The following ASTN2 variants were observed in gnomAD, a reference collection of about 807,000 sequenced individuals.
The protein encoded by ASTN2 is astrotactin-2.
ASTN2 carries 54 observed loss-of-function variants against 139.8 expected under a neutral mutation model. The ratio of observed to expected loss-of-function variants is 0.39; its 90% CI spans 0.31 to 0.48. ASTN2 has a LOEUF of 0.48. ASTN2 is among the 20% of genes least tolerant of loss of function. The pLI is 0.95. For synonymous variants in ASTN2, 756 were observed against 719.5 expected (o/e 1.05, Z -0.81); for missense variants, 1,565 against 1,725.1 (o/e 0.91, Z 1.64).
chr9:117,298,491 C>T lies in ASTN2; in HGVS notation c.443-6978G>A, dbSNP rs183015579. 2.1e-3 allele frequency among the ~76,000 whole-genome samples: 320 copies of T among 152,168 alleles called. 1 individual carries two copies. The highest frequency in any genetic ancestry group is 7.3e-3 in the African/African-American group (304 of 41,520). ...CCCATCTACCAAATGAGGATAATAA[C>T]AGCACCTGCCTCACAGGGTCGTTTT... On this transcript the variant is annotated intron_variant, in intron 1 of 22. Coordinates refer to ENST00000313400, the MANE Select transcript of ASTN2 (RefSeq NM_001365068.1).
At chr9:117,266,969 A>G (rs1334214801) in intron 2 of ASTN2, among the ~76,000 whole-genome samples, 1 of 152,168 alleles carries the variant, frequency 6.6e-6, no homozygotes, top group Non-Finnish European at 1.5e-5. Flanking sequence ...TTTCTAAATA[A>G]TAGAGTGTGG....
At chr9:117,281,737 C>A (rs983905365) in intron 2 of ASTN2, among the ~76,000 whole-genome samples, 2 of 152,142 alleles carry the variant, frequency 1.3e-5, no homozygotes, top group Non-Finnish European at 2.9e-5. Flanking sequence ...TACTTCCCTG[C>A]AGTCTCTGGA....
chr9:116,498,573 G>A (rs941175201), intron 19 of ASTN2, among the ~76,000 whole-genome samples: 4 of 151,744 alleles, frequency 2.6e-5, no homozygotes, highest in Non-Finnish European at 4.4e-5. Context: ...ACTCCAGCCT[G>A]GGCAATAGAG....
chr9:116,442,703 C>A (rs1262974273), intron 20 of ASTN2, 150 bp from the exon 21 acceptor site: 1 of 673,050 alleles, frequency 1.5e-6, no homozygotes. Context: ...TTATTGAGCA[C>A]TAACTGCCTA....
At chr9:117,235,169 G>T (rs1369731065) in intron 2 of ASTN2, among the ~76,000 whole-genome samples, 1 of 151,512 alleles carries the variant, frequency 6.6e-6, no homozygotes, top group Non-Finnish European at 1.5e-5. Flanking sequence ...AGGAGGCGGA[G>T]GTTACAGTAA....
At chr9:117,326,289 G>T (rs1055030557) in intron 1 of ASTN2, among the ~76,000 whole-genome samples, 1 of 152,114 alleles carries the variant, frequency 6.6e-6, no homozygotes, top group African/African-American at 2.4e-5. Context: ...TATAGACATG[G>T]AAATGAAATA....
intron 1 of ASTN2, among the ~76,000 whole-genome samples, chr9:117,325,803 T>C (rs1397725954): frequency 1.3e-5 from 2 of 152,134 alleles, no homozygotes; most frequent in Non-Finnish European, 2.9e-5. Context: ...AAGAAGAAAG[T>C]GGAAATATGC....
At chr9:116,965,093 G>A (rs978443573) in intron 10 of ASTN2, among the ~76,000 whole-genome samples, 5 of 152,166 alleles carry the variant, frequency 3.3e-5, no homozygotes, top group African/African-American at 7.2e-5. Context: ...ACTGAAGGTG[G>A]GCAAATGAGT....
chr9:117,179,318 T>C (rs1830997369), intron 3 of ASTN2, among the ~76,000 whole-genome samples: 1 of 152,208 alleles, frequency 6.6e-6, no homozygotes, highest in African/African-American at 2.4e-5. Context: ...TTTTCACATA[T>C]ATATGCTTAT....
At chr9:117,131,559 TGA>T (rs1252544724) in intron 4 of ASTN2, among the ~76,000 whole-genome samples, 1 of 152,236 alleles carries the variant, frequency 6.6e-6, no homozygotes, top group African/African-American at 2.4e-5. Context: ...AGAAATTAAA[TGA>T]GAGTCTGGTA....
chr9:117,009,776 T>C (rs762924846), intron 6 of ASTN2, among the ~76,000 whole-genome samples: 3 of 152,094 alleles, frequency 2.0e-5, no homozygotes, highest in Non-Finnish European at 4.4e-5. Context: ...TCTATGGAGG[T>C]CTATCTGTCA....
chr9:117,119,783 A>G lies in ASTN2; in HGVS notation c.1168+21543T>C, dbSNP rs115462827. Reference sequence around the variant, plus strand: ...GACTGACAAAAATGAGGGCATCCCAATGTGACACAATGTGACACGCATGTT... The same window carrying G: ...GACTGACAAAAATGAGGGCATCCCAGTGTGACACAATGTGACACGCATGTT... On this transcript the variant is annotated intron_variant, in intron 4 of 22. Transcript: ENST00000313400. 4.1e-3 allele frequency among the ~76,000 whole-genome samples: 627 copies of G among 151,968 alleles called. 3 individuals carry two copies. The highest frequency in any genetic ancestry group is 0.014 in the African/African-American group (574 of 41,426).
At chr9:116,710,417 A>C (rs1828117327) in intron 16 of ASTN2, among the ~76,000 whole-genome samples, 1 of 152,034 alleles carries the variant, frequency 6.6e-6, no homozygotes, top group South Asian at 2.1e-4. Context: ...ATATTGAAAG[A>C]AATTTCATAT....
chr9:117,018,811 AT>A (rs1003075830), intron 6 of ASTN2, among the ~76,000 whole-genome samples: 12 of 151,734 alleles, frequency 7.9e-5, no homozygotes, highest in African/African-American at 2.7e-4. Flanking sequence ...GGAAAATGGG[AT>A]TTTTTTTTAC....
intron 4 of ASTN2, among the ~76,000 whole-genome samples, chr9:117,097,021 G>C (rs1304591781): frequency 6.6e-6 from 1 of 152,176 alleles, no homozygotes; most frequent in African/African-American, 2.4e-5. Context: ...TCTGGAGCAA[G>C]AGTATGAATT....
intron 19 of ASTN2, among the ~76,000 whole-genome samples, chr9:116,523,317 G>T (rs1194163046): frequency 6.6e-6 from 1 of 151,976 alleles, no homozygotes; most frequent in Non-Finnish European, 1.5e-5. Context: ...CTCTGGAGAT[G>T]ATTTAAACAT....
At chr9:116,678,503 G>A (rs959190568) in intron 16 of ASTN2, among the ~76,000 whole-genome samples, 1 of 152,110 alleles carries the variant, frequency 6.6e-6, no homozygotes, top group East Asian at 1.9e-4. Context: ...TTATAAGAAG[G>A]CATGGAGATA....
At chr9:116,917,088 T>G (rs1209017219) in intron 10 of ASTN2, among the ~76,000 whole-genome samples, 1 of 152,084 alleles carries the variant, frequency 6.6e-6, no homozygotes, top group East Asian at 1.9e-4. Flanking sequence ...ATCACATTCT[T>G]ACTGCACACA....
At chr9:116,519,095 A>C (rs754986711) in intron 19 of ASTN2, among the ~76,000 whole-genome samples, 3 of 152,152 alleles carry the variant, frequency 2.0e-5, no homozygotes, top group African/African-American at 7.2e-5. Context: ...AAGACAGGTC[A>C]ACAAGACAGA....
Sources: allele counts gnomAD v4.1 joint callset (sites outside exome capture counted in the v4.1 genomes callset), GRCh38; gene constraint gnomAD v4.1.1; transcripts MANE v1.5; gene names NCBI Gene and HGNC (gene_info 2026-07-23, HGNC 2026-07-21).